FUT8: variants seen among roughly 807,000 people sequenced by gnomAD.
FUT8 encodes fucosyltransferase 8.
In FUT8, 29 loss-of-function variants were observed where a neutral mutation model predicts 71.3. The observed-to-expected ratio is 0.41, with a 90% CI of 0.30 to 0.55. FUT8 has a LOEUF of 0.55. Ranked by LOEUF, FUT8 falls within the 20% of genes least tolerant of loss-of-function variation. The pLI is 0.34. For synonymous variants in FUT8, 254 were observed against 239.3 expected, an observed-to-expected ratio of 1.06 and a Z score of -0.57; for missense variants, 544 against 702.1, an observed-to-expected ratio of 0.77 and a Z score of 2.55.
chr14:65,481,714 A>G (rs1258021165), intron 2 of FUT8, among the ~76,000 whole-genome samples: 3 of 152,008 alleles, frequency 2.0e-5, no homozygotes, highest in Non-Finnish European at 2.9e-5. Context: ...AACTTCTAGT[A>G]TATACTTTTG....
At chr14:65,532,683 CTT>C (rs1441612546) in intron 2 of FUT8, among the ~76,000 whole-genome samples, 1 of 152,026 alleles carries the variant, frequency 6.6e-6, no homozygotes, top group Non-Finnish European at 1.5e-5. Context: ...GTTGCAGTTG[CTT>C]TTTGTGTCTT....
At chr14:65,733,875 C>T (rs1257521402) in intron 10 of FUT8, among the ~76,000 whole-genome samples, 3 of 152,012 alleles carry the variant, frequency 2.0e-5, no homozygotes, top group Non-Finnish European at 2.9e-5. Flanking sequence ...AAGTGAGAAA[C>T]TGTATGTTAA....
At chr14:65,476,317 T>C (rs1337430189) in intron 2 of FUT8, among the ~76,000 whole-genome samples, 1 of 152,214 alleles carries the variant, frequency 6.6e-6, no homozygotes, top group Non-Finnish European at 1.5e-5. Context: ...GCTTCATACC[T>C]CTTCTTCCAA....
At chr14:65,524,880 T>A (rs1175573513) in intron 2 of FUT8, among the ~76,000 whole-genome samples, 1 of 152,236 alleles carries the variant, frequency 6.6e-6, no homozygotes, top group Admixed American at 6.5e-5. Flanking sequence ...TTATGTTTAT[T>A]GATTTATGTA....
chr14:65,506,762 T>G (rs987317522), intron 2 of FUT8, among the ~76,000 whole-genome samples: 2 of 152,188 alleles, frequency 1.3e-5, no homozygotes, highest in Admixed American at 6.5e-5. Context: ...CCTCAAGCAT[T>G]TATCCTTTGT....
intron 2 of FUT8, among the ~76,000 whole-genome samples, chr14:65,474,233 C>T (rs963984637): frequency 1.3e-5 from 2 of 151,558 alleles, no homozygotes; most frequent in African/African-American, 4.9e-5. Context: ...AAATCTCAGA[C>T]TTCACCACTA....
Position 65,699,482 on chromosome 14 carries a change from T to C in FUT8, c.836-22293T>C, listed in dbSNP as rs567355301. On this transcript the variant is annotated intron_variant, in intron 7 of 10. Transcript: ENST00000673929. ...TCTTAGTGTTAGAATCATTACAAGA[T>C]AGGGACTCTAGTTTACATGGAGGTG... Among the ~76,000 whole-genome samples, 146 of 152,312 alleles carry C rather than the reference T, an allele frequency of 9.6e-4. 7 individuals are homozygous for C. In the South Asian group the frequency reaches 0.029, roughly 30 times the overall value.
intron 2 of FUT8, among the ~76,000 whole-genome samples, chr14:65,517,461 T>C (rs945210656): frequency 6.6e-6 from 1 of 152,172 alleles, no homozygotes; most frequent in African/African-American, 2.4e-5. Flanking sequence ...GCTGAAGAGA[T>C]ATCTGAGCTC....
At chr14:65,617,221 C>T in intron 5 of FUT8, 2 of 1,497,830 alleles carry the variant, frequency 1.3e-6, no homozygotes, top group Non-Finnish European at 1.8e-6. Flanking sequence ...TTAACATCAG[C>T]AGCAATATTA....
chr14:65,525,561 C>CCT (rs970084607), intron 2 of FUT8, among the ~76,000 whole-genome samples: 40 of 151,614 alleles, frequency 2.6e-4, no homozygotes, highest in African/African-American at 8.9e-4. Context: ...GTCTCTATCT[C>CCT]TCAGTTCTGC....
chr14:65,625,364 A>G (rs892570890), intron 5 of FUT8, among the ~76,000 whole-genome samples: 2 of 152,162 alleles, frequency 1.3e-5, no homozygotes, highest in African/African-American at 4.8e-5. Context: ...CCCCCTCAGT[A>G]ACTATAAAAA....
At chr14:65,557,437 A>G (rs111701001) in intron 2 of FUT8, among the ~76,000 whole-genome samples, 7 of 151,530 alleles carry the variant, frequency 4.6e-5, no homozygotes, top group Non-Finnish European at 5.9e-5. Flanking sequence ...GGTTCAAGGA[A>G]TTCTCTGCCT....
chr14:65,428,589 G>A (rs1004179377), intron 1 of FUT8, among the ~76,000 whole-genome samples: 6 of 152,186 alleles, frequency 3.9e-5, no homozygotes, highest in Admixed American at 6.5e-5. Context: ...TCTAATGGAT[G>A]ATTCAGCAAT....
intron 7 of FUT8, among the ~76,000 whole-genome samples, chr14:65,715,008 T>C (rs1894981338): frequency 6.6e-6 from 1 of 152,222 alleles, no homozygotes. Context: ...AAATGTAGTG[T>C]CATATCATGT....
intron 3 of FUT8, among the ~76,000 whole-genome samples, chr14:65,612,340 G>A (rs1031434201): frequency 6.6e-6 from 1 of 152,176 alleles, no homozygotes; most frequent in Non-Finnish European, 1.5e-5. Flanking sequence ...TCCTGCTATT[G>A]AGGCCAAATC....
intron 6 of FUT8, among the ~76,000 whole-genome samples, chr14:65,630,882 G>T (rs1890148271): frequency 6.6e-6 from 1 of 152,146 alleles, no homozygotes. Flanking sequence ...TAATGCTGTG[G>T]ATGGCATACT....
At chr14:65,373,201 A>G in the FUT8 span, among the ~76,000 whole-genome samples, 9 of 151,678 alleles carry the variant, frequency 5.9e-5, no homozygotes, top group Admixed American at 5.9e-4. Flanking sequence ...GACAGGATGC[A>G]GGAGGGTGGA....
chr14:65,559,105 C>T (rs539758678), intron 2 of FUT8, among the ~76,000 whole-genome samples: 15 of 152,120 alleles, frequency 9.9e-5, no homozygotes, highest in Admixed American at 3.9e-4. Context: ...TTAAATATTA[C>T]GATTTTTATG....
chr14:65,401,495 T>A, the FUT8 span, among the ~76,000 whole-genome samples: 119 of 152,282 alleles, frequency 7.8e-4, no homozygotes, highest in African/African-American at 2.8e-3. Flanking sequence ...CTGGAGAATG[T>A]GTAATAGGAA....
Sources: allele counts gnomAD v4.1 joint callset (sites outside exome capture counted in the v4.1 genomes callset), GRCh38; gene constraint gnomAD v4.1.1; transcripts MANE v1.5; gene names NCBI Gene and HGNC (gene_info 2026-07-23, HGNC 2026-07-21).